The following C10orf143 variants were observed in gnomAD, a reference collection of about 807,000 sequenced individuals.
The protein encoded by C10orf143 is uncharacterized protein C10orf143.
rs142845423 is a variant in C10orf143, at chr10:130,078,848, T to TAG, written c.297+717_297+718insCT. 8.9e-3 allele frequency among the ~76,000 whole-genome samples: 1,359 copies of TAG among 152,264 alleles called. 14 individuals are homozygous for TAG. The highest frequency in any genetic ancestry group is 0.03 in the African/African-American group (1,248 of 41,534). ...GATCTTTAGGGGGCAATCTCAGAAA[T>TAG]ACACATATACACACGCACAAATTCC... On this transcript the variant is annotated intron_variant, in intron 3 of 3. Coordinates refer to ENST00000637128, the MANE Select transcript of C10orf143 (RefSeq NM_001355042.2).
At chr10:130,036,284 G>A (rs1326371031) in intron 3 of C10orf143, among the ~76,000 whole-genome samples, 1 of 152,204 alleles carries the variant, frequency 6.6e-6, no homozygotes, top group Non-Finnish European at 1.5e-5. Flanking sequence ...TGTCTGACGA[G>A]GAGCCCATCT....
intron 3 of C10orf143, among the ~76,000 whole-genome samples, chr10:130,054,906 C>T (rs1436717099): frequency 6.6e-6 from 1 of 151,986 alleles, no homozygotes; most frequent in Non-Finnish European, 1.5e-5. Context: ...TAAATCCAAC[C>T]ATATATGGTC....
intron 1 of C10orf143, among the ~76,000 whole-genome samples, chr10:130,100,676 T>A (rs543306309): frequency 3.9e-5 from 6 of 152,336 alleles, no homozygotes; most frequent in Admixed American, 1.3e-4. Flanking sequence ...CCAAATCAAA[T>A]GCTATAATGT....
intron 3 of C10orf143, among the ~76,000 whole-genome samples, chr10:130,038,658 GC>G (rs966759947): frequency 3.3e-5 from 5 of 152,158 alleles, no homozygotes; most frequent in African/African-American, 9.7e-5. Context: ...CACCGCCCAG[GC>G]CCTTCCCCAC....
At chr10:130,106,117 A>C (rs112294265) in intron 1 of C10orf143, 2 of 666,744 alleles carry the variant, frequency 3.0e-6, no homozygotes, top group Admixed American at 2.0e-5. Flanking sequence ...GGGTTGTGGC[A>C]GCGCTGCCTG....
intron 3 of C10orf143, among the ~76,000 whole-genome samples, chr10:130,079,194 A>G (rs1212401200): frequency 2.0e-5 from 3 of 152,246 alleles, no homozygotes; most frequent in Non-Finnish European, 2.9e-5. Context: ...AGAAAAGCAT[A>G]AACAGGGAAA....
chr10:130,066,354 ATTT>A (rs1245464072), intron 3 of C10orf143: 8 of 132,902 alleles, frequency 6.0e-5, no homozygotes, highest in Admixed American at 7.6e-5. Context: ...CACCTGGCTA[ATTT>A]TTTTTTTTTT....
At chr10:130,045,605 G>T (rs1860658906) in intron 3 of C10orf143, among the ~76,000 whole-genome samples, 1 of 152,224 alleles carries the variant, frequency 6.6e-6, no homozygotes, top group South Asian at 2.1e-4. Context: ...CTGTTCTCTG[G>T]CATTTTCGTT....
chr10:130,106,542 T>TGGC, intron 1 of C10orf143: 1 of 1,596,054 alleles, frequency 6.3e-7, no homozygotes, highest in Non-Finnish European at 8.6e-7. Flanking sequence ...AATGAATTGA[T>TGGC]GGCGGATATT....
chr10:130,110,651 G>C, intron 1 of C10orf143, 53 bp downstream of exon 1: 1 of 398,496 alleles, frequency 2.5e-6, no homozygotes, highest in East Asian at 3.6e-5. Context: ...GTGGGAACCC[G>C]CCCAGGGGCC....
chr10:130,054,659 T>C (rs1261426679), intron 3 of C10orf143, among the ~76,000 whole-genome samples: 1 of 152,244 alleles, frequency 6.6e-6, no homozygotes, highest in African/African-American at 2.4e-5. Context: ...GGCTGCCAAT[T>C]TCTTCACATT....
At chr10:130,052,699 A>T (rs1201261058) in intron 3 of C10orf143, among the ~76,000 whole-genome samples, 1 of 152,258 alleles carries the variant, frequency 6.6e-6, no homozygotes, top group Non-Finnish European at 1.5e-5. Flanking sequence ...AAAGTACAGG[A>T]TTAAAGGAAG....
At chr10:130,075,405 AG>A (rs1475172429) in intron 3 of C10orf143, among the ~76,000 whole-genome samples, 2 of 152,200 alleles carry the variant, frequency 1.3e-5, no homozygotes, top group African/African-American at 4.8e-5. Context: ...CTACTGACTG[AG>A]CCCTTGCAGG....
chr10:130,108,994 G>A lies in C10orf143; in HGVS notation c.69+1710C>T, dbSNP rs368588897. Among the ~76,000 whole-genome samples the A allele has an allele frequency of 1.1e-4, 17 of 152,220 alleles. No homozygotes were observed. The East Asian group carries it at 1.4e-3, about 12-fold the overall frequency. ...CTCAAGGAGCAGCAGTACTGCCCTCGCAGGGCTCAAGTCAACCCCTACAAC... is the reference window on the plus strand; with the variant it reads ...CTCAAGGAGCAGCAGTACTGCCCTCACAGGGCTCAAGTCAACCCCTACAAC... On this transcript the variant is annotated intron_variant, in intron 1 of 3. Transcript: ENST00000637128.
chr10:130,036,552 T>C (rs1306961216), intron 3 of C10orf143, among the ~76,000 whole-genome samples: 1 of 152,194 alleles, frequency 6.6e-6, no homozygotes, highest in Admixed American at 6.5e-5. Flanking sequence ...CTCCAAGCTC[T>C]GCCTGGAGCC....
At chr10:130,080,169 T>A (rs537661997) in intron 1 of C10orf143, among the ~76,000 whole-genome samples, 1 of 152,386 alleles carries the variant, frequency 6.6e-6, no homozygotes, top group South Asian at 2.1e-4. Flanking sequence ...GCTGAAACTC[T>A]TGTAATAAAC....
intron 1 of C10orf143, chr10:130,106,463 G>A: frequency 6.2e-7 from 1 of 1,602,566 alleles, no homozygotes; most frequent in South Asian, 1.1e-5. Context: ...GTCCAATTCT[G>A]AACTTGAGCA....
chr10:130,089,190 G>C lies in C10orf143; in HGVS notation c.70-9289C>G, dbSNP rs1244495999. 2.0e-5 allele frequency among the ~76,000 whole-genome samples: 3 copies of C among 152,280 alleles called. No individual in the cohort carries two copies. The East Asian group carries it at 5.8e-4, about 29-fold the overall frequency. On this transcript the variant is annotated intron_variant, in intron 1 of 3. Coordinates refer to ENST00000637128, the MANE Select transcript of C10orf143 (RefSeq NM_001355042.2). ...ACTCTTCTACTTTGATTCTGAAAAAGACATAAATGAACACATTGGACTTGT... is the reference window on the plus strand; with the variant it reads ...ACTCTTCTACTTTGATTCTGAAAAACACATAAATGAACACATTGGACTTGT...
At chr10:130,060,754 T>C (rs184929057), downstream of C10orf143, among the ~76,000 whole-genome samples, 878 of 122,738 alleles carry the variant, frequency 7.2e-3, 2 homozygotes, top group Non-Finnish European at 0.01. Flanking sequence ...ACCTGGGAGG[T>C]GGAGCTTGCA....
Sources: gnomAD v4.1 joint callset for allele counts (sites outside exome capture counted in the v4.1 genomes callset) on GRCh38, gnomAD v4.1.1 for gene constraint, MANE v1.5 for transcripts, NCBI Gene and HGNC (gene_info 2026-07-23, HGNC 2026-07-21) for gene names.